Variants in ANO7 observed in about 807,000 individuals in gnomAD.
ANO7 encodes anoctamin-7.
Under a neutral mutation model 115.8 loss-of-function variants are expected in ANO7, and 114 were observed. The observed-to-expected ratio is 0.98, with a 90% CI of 0.85 to 1.15. ANO7 has a LOEUF of 1.15. Among genes scored for constraint, ANO7 ranks in the 50% most tolerant of loss-of-function variants. The pLI is 0.00. For missense variants in ANO7, 1,302 were observed against 1,201.2 expected, an observed-to-expected ratio of 1.08 and a Z score of -1.24; for synonymous variants, 550 against 498.2, an observed-to-expected ratio of 1.10 and a Z score of -1.38.
chr2:241,192,207 T>G (rs941555507), intron 3 of ANO7, among the ~76,000 whole-genome samples: 1 of 152,044 alleles, frequency 6.6e-6, no homozygotes, highest in Non-Finnish European at 1.5e-5. Flanking sequence ...TGCCTGTAAT[T>G]CCAGCTACTC....
intron 21 of ANO7, 101 bp downstream of exon 21, chr2:241,218,482 C>T: frequency 1.8e-6 from 1 of 557,560 alleles, no homozygotes; most frequent in Non-Finnish European, 2.2e-6. Context: ...CCGGGAGGGG[C>T]GGGCGCCGCC....
intron 21 of ANO7, 54 bp from the exon 22 acceptor site, chr2:241,223,132 G>A: frequency 1.3e-6 from 2 of 1,532,528 alleles, no homozygotes; most frequent in Non-Finnish European, 9.0e-7. Context: ...AGAGGCACCT[G>A]CCCAGCCAAC....
intron 6 of ANO7, among the ~76,000 whole-genome samples, chr2:241,200,738 G>T (rs1479062606): frequency 6.6e-6 from 1 of 152,256 alleles, no homozygotes; most frequent in African/African-American, 2.4e-5. Flanking sequence ...ACCACTGTCG[G>T]GGAACCAGTG....
At chr2:241,205,265 G>A (rs559556024) in intron 10 of ANO7, among the ~76,000 whole-genome samples, 6 of 149,452 alleles carry the variant, frequency 4.0e-5, no homozygotes, top group South Asian at 4.3e-4. Flanking sequence ...ACAGGCAGAC[G>A]GGGCGCTCCC....
At chr2:241,194,662 C>A (rs1392292577) in intron 3 of ANO7, among the ~76,000 whole-genome samples, 1 of 152,190 alleles carries the variant, frequency 6.6e-6, no homozygotes, top group East Asian at 1.9e-4. Context: ...CCCACATTCA[C>A]ATAACTTTTA....
rs570051525 is a variant in ANO7, at chr2:241,222,181, C to T, written c.2322-1005C>T. ...CCCAGGAGGCGGAGGTTGCAGTAAG[C>T]GAAGATCACGCCACTGCACTCCAGC... is the stretch of plus-strand genomic sequence containing the variant. On this transcript the variant is annotated intron_variant, in intron 21 of 24. Coordinates refer to ENST00000674324, the MANE Select transcript of ANO7 (RefSeq NM_001370694.2). Among the ~76,000 whole-genome samples, 13 of 151,892 alleles carry T rather than the reference C, an allele frequency of 8.6e-5. No homozygotes were observed. The East Asian group carries it at 2.3e-3, about 27-fold the overall frequency.
intron 3 of ANO7, among the ~76,000 whole-genome samples, chr2:241,194,092 C>T (rs1413095009): frequency 1.3e-5 from 2 of 151,840 alleles, no homozygotes; most frequent in Admixed American, 1.3e-4. Context: ...CCAGGCTGGT[C>T]TCGAACTCCT....
chr2:241,236,875 AAAGG>A, the ANO7 span: 1 of 1,191,578 alleles, frequency 8.4e-7, no homozygotes, highest in Non-Finnish European at 1.2e-6. Context: ...CTGGGTGGTA[AAAGG>A]GAGGGAAAAC....
In ANO7 at chr2:241,209,367, G is replaced by A; in HGVS notation, c.1160G>A (p.Trp387Ter). ...TGGGCCGTGCTGCTGCTGGAGTACT[G>A]GAAGCGGAAGAGCGCCACGCTGGCC... is the stretch of plus-strand genomic sequence containing the variant. ...ALWAVLLLEY[W>*]KRKSATLAYR... Residue 387 changes from tryptophan (W) to a stop codon, truncating the protein, a stop_gained, in exon 12 of 25, where the codon TGG (tryptophan) becomes TAG (stop). Coordinates refer to ENST00000674324, the MANE Select transcript of ANO7 (RefSeq NM_001370694.2). LOFTEE classifies it high-confidence loss of function. 6.3e-7 allele frequency: 1 copy of A among 1,582,138 alleles called. No homozygotes were observed. The highest frequency in any genetic ancestry group is 8.6e-7 in the Non-Finnish European group (1 of 1,164,658).
chr2:241,202,333 T>A, intron 8 of ANO7, 29 bp downstream of exon 8: 1 of 1,593,990 alleles, frequency 6.3e-7, no homozygotes, highest in Non-Finnish European at 8.6e-7. Flanking sequence ...GGCTCCAGCC[T>A]GGGTATGGGA....
chr2:241,199,365 C>T lies in ANO7; in HGVS notation c.359C>T (p.Ala120Val), dbSNP rs1027493033. The T allele has an allele frequency of 1.9e-6, 3 of 1,613,832 alleles. No homozygotes were observed. In the South Asian group the frequency reaches 3.3e-5, roughly 18 times the overall value. ...ACAGTGCACTACGCCCTCCTCAGCG[C>T]CTCCTGGGCTGTGCTCTGCTACTAC... The part of the protein sequence containing the change: ...NTTVHYALLS[A>V]SWAVLCYYAE... The change falls in exon 5 of 25, where the codon GCC becomes GTC. Residue 120 changes from alanine to valine, a missense_variant. Transcript: ENST00000674324.
Position 241,219,863 on chromosome 2 carries a change from A to G in ANO7, c.2321+1482A>G, listed in dbSNP as rs371798890. 1.6e-3 allele frequency among the ~76,000 whole-genome samples: 239 copies of G among 151,800 alleles called. 1 individual carries two copies. Among genetic ancestry groups the G allele is most frequent in the African/African-American group, 5.2e-3 (216 of 41,380 alleles). On this transcript the variant is annotated intron_variant, in intron 21 of 24. Transcript: ENST00000674324. The stretch of plus-strand genomic sequence containing the variant: ...ACTGGGATTACAGGCACAAGCCACC[A>G]CACCCGGCTAGCACACGTTCTAAAC...
chr2:241,217,903 G>A lies in ANO7; in HGVS notation c.2178+12G>A, dbSNP rs1485861934. On this transcript the variant is annotated intron_variant, in intron 20 of 24. Coordinates refer to ENST00000674324, the MANE Select transcript of ANO7 (RefSeq NM_001370694.2). ...CGGTCATCAGCAACGTGAGGCCCGG[G>A]CGGGAGCGCGGGGCGGGGCGGGGGC... 1 of 1,501,508 alleles carries A rather than the reference G, an allele frequency of 6.7e-7. No individual in the cohort carries two copies. Among genetic ancestry groups the A allele is most frequent in the African/African-American group, 1.5e-5 (1 of 68,878 alleles). 93.0% of individuals were successfully genotyped at this position (1,501,508 alleles called of 1,614,324 possible). A position where few individuals can be genotyped will look rare whatever the true frequency, so the allele number is the denominator to read the frequency against.
chr2:241,195,787 G>A lies in ANO7; in HGVS notation c.251G>A (p.Arg84Lys). ...GCCCGGGACAGAACAGACATGCACA[G>A]GACCTGGCGGGAGACTTTTCTGGAT... ...SAARDRTDMH[R>K]TWRETFLDNL... Residue 84 changes from arginine to lysine, a missense_variant, in exon 4 of 25, where the codon AGG (arginine) becomes AAG (lysine). Arg to Lys is a conservative substitution (Grantham distance 26). Transcript: ENST00000674324. The A allele has an allele frequency of 6.2e-7, 1 of 1,614,280 alleles. No individual in the cohort carries two copies. Among genetic ancestry groups the A allele is most frequent in the South Asian group, 1.1e-5 (1 of 91,090 alleles).
At chr2:241,238,658 CCTCT>C in the ANO7 span, 1 of 1,571,198 alleles carries the variant, frequency 6.4e-7, no homozygotes, top group Non-Finnish European at 8.7e-7. The surrounding 1 kb of genome is among the most constrained non-coding windows in gnomAD (Gnocchi z 4.9). Flanking sequence ...CCTGCGTTCT[CCTCT>C]CTGTCTGGGA....
rs183173381 is a variant in ANO7 at position 241,192,769 on chromosome 2, C to A, written c.166+1518C>A. Among the ~76,000 whole-genome samples the A allele has an allele frequency of 1.7e-3, 259 of 152,320 alleles. 1 individual carries two copies. The highest frequency in any genetic ancestry group is 6.0e-3 in the African/African-American group (249 of 41,568). ...AAAAGGCAGAAAAGTCTGACACAGG[C>A]TGCAACGGGGATGCGCCTTGTGGAC... On this transcript the variant is annotated intron_variant, in intron 3 of 24. Coordinates refer to ENST00000674324, the MANE Select transcript of ANO7 (RefSeq NM_001370694.2).
At chr2:241,229,828 C>G (rs757487118), downstream of ANO7, 12 of 1,540,218 alleles carry the variant, frequency 7.8e-6, no homozygotes, top group South Asian at 1.2e-5. Flanking sequence ...AAGCCCGCAT[C>G]TGACCTTCTC....
chr2:241,200,562 G>A (rs923932083), intron 6 of ANO7, among the ~76,000 whole-genome samples: 2 of 152,174 alleles, frequency 1.3e-5, no homozygotes, highest in African/African-American at 4.8e-5. Context: ...GCTCTGTCTC[G>A]TCACAGCGTC....
intron 11 of ANO7, among the ~76,000 whole-genome samples, 172 bp from the exon 12 acceptor site, chr2:241,209,113 C>G (rs1461006290): frequency 2.0e-5 from 3 of 152,338 alleles, no homozygotes; most frequent in Admixed American, 6.5e-5. Flanking sequence ...CGCGCCACTG[C>G]ACTCCAGCCT....
Sources: gnomAD v4.1 joint callset for allele counts (sites outside exome capture counted in the v4.1 genomes callset) on GRCh38, gnomAD v4.1.1 for gene constraint, Gnocchi (gnomAD v3.1) non-coding constraint, MANE v1.5 for transcripts, NCBI Gene and HGNC (gene_info 2026-07-23, HGNC 2026-07-21) for gene names.